Variants in MIGA1 observed in about 807,000 individuals in gnomAD.
MIGA1 encodes family with sequence similarity 73, member A.
A neutral mutation model predicts 82.0 loss-of-function variants in MIGA1; 58 were observed. The observed-to-expected ratio is 0.71, with a 90% CI of 0.57 to 0.88. The LOEUF (loss-of-function observed/expected upper bound fraction) is 0.88, where lower values mean the gene tolerates loss of function less well. MIGA1 is among the 40% of genes least tolerant of loss of function. MIGA1 has a pLI of 0.00. For synonymous variants in MIGA1, 249 were observed against 253.6 expected, an observed-to-expected ratio of 0.98 and a Z score of 0.17; for missense variants, 751 against 749.1, an observed-to-expected ratio of 1.00 and a Z score of -0.03.
At chr1:77,810,951 C>G (rs998881033) in intron 5 of MIGA1, 26 of 1,611,874 alleles carry the variant, frequency 1.6e-5, no homozygotes, top group Non-Finnish European at 2.2e-5. Context: ...CAGTGGGTTT[C>G]TTGTATAGTT....
intron 4 of MIGA1, 77 bp downstream of exon 4, chr1:77,803,483 T>C (rs575313238): frequency 6.7e-5 from 38 of 569,016 alleles, no homozygotes; most frequent in East Asian, 1.4e-4. Flanking sequence ...AAGTGTCATA[T>C]ACTTATAGTT....
At position 77,863,941 on chromosome 1, in the gene MIGA1, G is replaced by A; in HGVS notation, c.1422G>A (p.Met474Ile). ...ATGTTGTTCTGGATTTTATATTAAT[G>A]GACTCCTTTGAAGATTTGGAAAACC... The change falls in exon 13 of 16, where the codon ATG becomes ATA. Residue 474 changes from methionine (M) to isoleucine (I), a missense_variant. Coordinates refer to ENST00000370791, the MANE Select transcript of MIGA1 (RefSeq NM_198549.4). 1 of 1,593,864 alleles carries A rather than the reference G, an allele frequency of 6.3e-7. No individual in the cohort carries two copies. Among genetic ancestry groups the A allele is most frequent in the Non-Finnish European group, 8.5e-7 (1 of 1,169,668 alleles).
chr1:77,828,108 C>T (rs986789464), intron 7 of MIGA1, among the ~76,000 whole-genome samples: 1 of 151,970 alleles, frequency 6.6e-6, no homozygotes, highest in Non-Finnish European at 1.5e-5. Context: ...TTAATGGTTT[C>T]CTTTGTGACA....
intron 11 of MIGA1, 37 bp from the exon 12 acceptor site, chr1:77,861,187 A>T: frequency 7.8e-7 from 1 of 1,290,116 alleles, no homozygotes; most frequent in East Asian, 2.3e-5. Context: ...CTTGTTATAA[A>T]GTTGAGTTTA....
chr1:77,815,122 T>C lies in MIGA1; in HGVS notation c.786T>C (p.Thr262=), dbSNP rs1683523645. 8 of 1,591,188 alleles carry C rather than the reference T, an allele frequency of 5.0e-6. No homozygotes were observed. Among genetic ancestry groups the C allele is most frequent in the Non-Finnish European group, 6.9e-6 (8 of 1,165,942 alleles). The change falls in exon 7 of 16, where the codon ACT becomes ACC. Residue 262 remains threonine (T), a synonymous_variant. Transcript: ENST00000370791. ...TCTCCTTGTAGGATATTATTAGTACTGAATTTATCCATAAACTCGAAGCTC... is the reference window on the plus strand; with the variant it reads ...TCTCCTTGTAGGATATTATTAGTACCGAATTTATCCATAAACTCGAAGCTC...
chr1:77,796,469 C>G (rs1016019925), intron 2 of MIGA1, among the ~76,000 whole-genome samples: 1 of 151,130 alleles, frequency 6.6e-6, no homozygotes, highest in Non-Finnish European at 1.5e-5. Context: ...GTCACACAGG[C>G]TGGAGTGCAG....
chr1:77,783,296 C>A lies in MIGA1; in HGVS notation c.140C>A (p.Thr47Lys). 1 of 1,597,184 alleles carries A rather than the reference C, an allele frequency of 6.3e-7. No homozygotes were observed. Among genetic ancestry groups the A allele is most frequent in the African/African-American group, 1.3e-5 (1 of 74,876 alleles). Residue 47 changes from threonine (T) to lysine (K), a missense_variant, in exon 2 of 16, where the codon ACA becomes AAA. Physicochemically the swap from Thr to Lys is moderately conservative, Grantham distance 78. Around this residue, in one of 3 missense-constraint regions of MIGA1, gnomAD observed 482 missense variants for 439.4 expected, o/e 1.10. Transcript: ENST00000370791. ...AGTGAATCACAGTTTTCCTTGAAGA[C>A]AGCAGCGCTAAGAGTGTTTGATCTT...
intron 10 of MIGA1, 176 bp downstream of exon 10, chr1:77,859,562 C>T: frequency 5.5e-6 from 3 of 548,014 alleles, no homozygotes; most frequent in Non-Finnish European, 9.8e-6. Context: ...CATTTGTTTC[C>T]ATATTTCATT....
At chr1:77,827,163 A>G (rs1424789749) in intron 7 of MIGA1, among the ~76,000 whole-genome samples, 1 of 151,798 alleles carries the variant, frequency 6.6e-6, no homozygotes, top group Non-Finnish European at 1.5e-5. Flanking sequence ...GCTGGAGTGC[A>G]GTGGCACGAT....
intron 8 of MIGA1, among the ~76,000 whole-genome samples, chr1:77,856,823 C>A (rs1685277210): frequency 6.6e-6 from 1 of 152,010 alleles, no homozygotes; most frequent in African/African-American, 2.4e-5. Context: ...TTTCAAAGAG[C>A]CAGCTTTTTG....
At chr1:77,854,360 A>T (rs575300865) in intron 8 of MIGA1, among the ~76,000 whole-genome samples, 57 of 152,348 alleles carry the variant, frequency 3.7e-4, no homozygotes, top group South Asian at 1.0e-3. Context: ...TGCTATAAAC[A>T]TGCATGTGCA....
chr1:77,837,862 G>A (rs1177184695), intron 7 of MIGA1, among the ~76,000 whole-genome samples: 1 of 152,034 alleles, frequency 6.6e-6, no homozygotes, highest in Non-Finnish European at 1.5e-5. Flanking sequence ...TTCACTACAG[G>A]GTACAAATAA....
In MIGA1 at chr1:77,878,727, C is replaced by A. The variant is rs1646913988; in HGVS notation, c.*3663C>A. On this transcript the variant is annotated 3_prime_UTR_variant, in exon 16 of 16. Transcript: ENST00000370791. ...ATTTTAATTTCCCTACATTTTTGTTCAACTAAGAGTGCTTATTTCTTCTTG... is the reference window on the plus strand; with the variant it reads ...ATTTTAATTTCCCTACATTTTTGTTAAACTAAGAGTGCTTATTTCTTCTTG... 2.6e-6 allele frequency: 1 copy of A among 380,808 alleles called. No individual in the cohort carries two copies. The highest frequency in any genetic ancestry group is 4.7e-6 in the Non-Finnish European group (1 of 214,006). 23.6% of individuals were successfully genotyped at this position (380,808 alleles called of 1,614,324 possible). A position where few individuals can be genotyped will look rare whatever the true frequency, so the allele number is the denominator to read the frequency against.
chr1:77,853,094 A>G (rs1685115377), intron 8 of MIGA1, among the ~76,000 whole-genome samples: 1 of 152,230 alleles, frequency 6.6e-6, no homozygotes, highest in African/African-American at 2.4e-5. Context: ...CCAAAACCAA[A>G]GCCTTGAGAG....
chr1:77,874,446 A>G (rs113825798), intron 15 of MIGA1, among the ~76,000 whole-genome samples: 3,945 of 152,298 alleles, frequency 0.026, 57 homozygotes, highest in Middle Eastern at 0.065. Context: ...GTCTTAGAGT[A>G]GAGGCAATGC....
At chr1:77,779,931 C>T (rs1681825522) in intron 1 of MIGA1, 195 bp downstream of exon 1, 11 of 1,377,880 alleles carry the variant, frequency 8.0e-6, no homozygotes, top group South Asian at 1.6e-5. Flanking sequence ...CACCCCCGAC[C>T]TCGTCTCATC....
chr1:77,822,150 TTAA>T (rs1475163765), intron 7 of MIGA1, among the ~76,000 whole-genome samples: 1 of 152,128 alleles, frequency 6.6e-6, no homozygotes, highest in Non-Finnish European at 1.5e-5. Context: ...ATCGTACACC[TTAA>T]ATATATACAG....
At chr1:77,816,942 A>G (rs1295946664) in intron 7 of MIGA1, among the ~76,000 whole-genome samples, 2 of 152,218 alleles carry the variant, frequency 1.3e-5, no homozygotes, top group African/African-American at 2.4e-5. Flanking sequence ...GGAAAAAATT[A>G]TAAGGAGGAA....
At chr1:77,833,842 G>T (rs375600356) in intron 7 of MIGA1, among the ~76,000 whole-genome samples, 6 of 152,304 alleles carry the variant, frequency 3.9e-5, no homozygotes, top group African/African-American at 9.6e-5. Context: ...TAAACAAAAG[G>T]GGGGAGGGTG....
Sources: gnomAD v4.1 joint callset for allele counts (sites outside exome capture counted in the v4.1 genomes callset) on GRCh38, gnomAD v4.1.1 for gene constraint, gnomAD v4.1.1 regional missense constraint, MANE v1.5 for transcripts, NCBI Gene and HGNC (gene_info 2026-07-23, HGNC 2026-07-21) for gene names.